Variants in CHADL observed in about 807,000 individuals in gnomAD.
CHADL encodes chondroadherin-like protein.
Under a neutral mutation model 52.1 loss-of-function variants are expected in CHADL, and 48 were observed. That is an observed-to-expected ratio of 0.92 (90% CI 0.73 to 1.17). The LOEUF is 1.17. Among genes scored for constraint, CHADL ranks in the 50% most tolerant of loss-of-function variants. The pLI, the probability that CHADL is intolerant of heterozygous loss-of-function variation, is 0.00. For synonymous variants in CHADL, 498 were observed against 511.2 expected (o/e 0.97, Z 0.35); for missense variants, 977 against 1,035.1 (o/e 0.94, Z 0.77).
At chr22:41,232,931 C>T (rs2032656103) in intron 5 of CHADL, among the ~76,000 whole-genome samples, 1 of 152,114 alleles carries the variant, frequency 6.6e-6, no homozygotes, top group Non-Finnish European at 1.5e-5. Flanking sequence ...GTCTGGCTTC[C>T]AAGGCAGAAC....
At chr22:41,230,127 C>A in intron 5 of CHADL, 2 of 1,554,426 alleles carry the variant, frequency 1.3e-6, no homozygotes, top group Non-Finnish European at 1.8e-6. Context: ...CCCGCCTCCC[C>A]TCCCTCTTCA....
rs1315026991 is a variant in CHADL, at chr22:41,238,638, G to T, written c.434C>A (p.Ala145Glu). ...CGTCCCCGGCCGCAGCTCCTCCAGT[G>T]CGTTCCCCTCCAGCTCCAGCCGCCG... ...SLRRLELEGN[A>E]LEELRPGTFG... The change falls in exon 3 of 6, where the codon GCA (alanine) becomes GAA (glutamate). Residue 145 changes from alanine (A) to glutamate (E), a missense_variant. Coordinates refer to ENST00000216241, the MANE Select transcript of CHADL (RefSeq NM_138481.2). The surrounding 1 kb of genome is among the most constrained non-coding windows in gnomAD (Gnocchi z 4.9). The T allele has an allele frequency of 1.3e-6, 2 of 1,543,946 alleles. No individual in the cohort carries two copies. Among genetic ancestry groups the T allele is most frequent in the African/African-American group, 1.4e-5 (1 of 72,994 alleles).
At chr22:41,240,513 G>T (rs1276719053) in intron 1 of CHADL, among the ~76,000 whole-genome samples, 1 of 152,234 alleles carries the variant, frequency 6.6e-6, no homozygotes, top group African/African-American at 2.4e-5. Context: ...TCTCCTTTGG[G>T]TCCCAGGCTC....
In CHADL at chr22:41,237,958, C is replaced by A. The variant is rs529203646; in HGVS notation, c.1114G>T (p.Ala372Ser). The part of the protein sequence containing the change: ...AQEEEELEER[A>S]VAGPRAPPRG... ...GGAGGGGCGCGGGGCCCGGCCACAG[C>A]CCGCTCTTCCAGCTCTTCCTCTTCC... The change falls in exon 3 of 6, where the codon GCT becomes TCT. Residue 372 changes from alanine (A) to serine (S), a missense_variant. Coordinates refer to ENST00000216241, the MANE Select transcript of CHADL (RefSeq NM_138481.2). 668 of 1,262,776 alleles carry A rather than the reference C, an allele frequency of 5.3e-4. 1 individual carries two copies. In the African/African-American group the frequency reaches 9.9e-3, roughly 19 times the overall value. 78.2% of individuals were successfully genotyped at this position (1,262,776 alleles called of 1,614,324 possible).
At chr22:41,229,789 T>C in intron 5 of CHADL, 59 bp from the exon 6 acceptor site, 2 of 1,432,752 alleles carry the variant, frequency 1.4e-6, no homozygotes, top group South Asian at 1.2e-5. Flanking sequence ...CAAGCAGTCC[T>C]GTACCACTGG....
In CHADL at chr22:41,238,405, C is replaced by T; in HGVS notation, c.667G>A (p.Gly223Arg). Residue 223 changes from glycine to arginine, a missense_variant, in exon 3 of 6, where the codon GGG (glycine) becomes AGG (arginine). By Grantham distance (125) the Gly-to-Arg change is moderately radical. Transcript: ENST00000216241. The surrounding 1 kb of genome is among the most constrained non-coding windows in gnomAD (Gnocchi z 4.9). The part of the protein sequence containing the change: ...LHHNELQALP[G>R]PVLSQARGLA... ...CCGCGGGCCTGGGACAAGACAGGCC[C>T]GGGCAGAGCCTGGAGCTCGTTGTGG... 6.6e-7 allele frequency: 1 copy of T among 1,514,700 alleles called. No individual in the cohort carries two copies. The highest frequency in any genetic ancestry group is 1.2e-5 in the South Asian group (1 of 80,644). The allele number at this position is 1,514,700 out of a possible 1,614,324, so 93.8% of individuals were successfully genotyped here. A position where few individuals can be genotyped will look rare whatever the true frequency, so the allele number is the denominator to read the frequency against.
At position 41,236,536 on chromosome 22, in the gene CHADL, C is replaced by A. The variant is rs376640941; in HGVS notation, c.2011G>T (p.Asp671Tyr). ...LPSLSQLELI[D>Y]LSSNPFHCDC... The stretch of plus-strand genomic sequence containing the variant: ...CAGTGGAAGGGATTGCTGCTGAGGT[C>A]GATGAGCTCCAGCTGGCTGAGACTG... The change falls in exon 4 of 6, where the codon GAC (aspartate) becomes TAC (tyrosine). Residue 671 changes from aspartate to tyrosine, a missense_variant. Transcript: ENST00000216241. The A allele has an allele frequency of 1.3e-6, 2 of 1,551,444 alleles. No individual in the cohort carries two copies. Among genetic ancestry groups the A allele is most frequent in the East Asian group, 2.4e-5 (1 of 40,908 alleles).
intron 2 of CHADL, among the ~76,000 whole-genome samples, 189 bp downstream of exon 2, chr22:41,239,254 C>G (rs1739640907): frequency 6.6e-6 from 1 of 152,242 alleles, no homozygotes; most frequent in Non-Finnish European, 1.5e-5. Flanking sequence ...TTAAATAGAT[C>G]ATCTCCCTGT....
rs2145634224 is a variant in CHADL at position 41,235,354 on chromosome 22, A to G, written c.2064-11T>C. 1.3e-6 allele frequency: 2 copies of G among 1,549,258 alleles called. No homozygotes were observed. On this transcript the variant is annotated splice_polypyrimidine_tract_variant and intron_variant, in intron 4 of 5. Transcript: ENST00000216241. ...AGCCCAGTAAGCCACCTGAAGAGAA[A>G]AGAGAGCTGGGGAGCTAGCTGTGCT... is the stretch of plus-strand genomic sequence containing the variant.
Position 41,238,907 on chromosome 22 carries a change from T to G in CHADL, c.187-22A>C. 1 of 1,515,710 alleles carries G rather than the reference T, an allele frequency of 6.6e-7. No individual in the cohort carries two copies. The highest frequency in any genetic ancestry group is 8.9e-7 in the Non-Finnish European group (1 of 1,124,658). 93.9% of individuals were successfully genotyped at this position (1,515,710 alleles called of 1,614,324 possible). ...TCAGCTGGGGACAGCGAGGAGAAAG[T>G]GGGGCTGAGCCAGGCAGGGACCCCG... is the stretch of plus-strand genomic sequence containing the variant. On this transcript the variant is annotated intron_variant, in intron 2 of 5. Coordinates refer to ENST00000216241, the MANE Select transcript of CHADL (RefSeq NM_138481.2). This position sits in a 1 kb window ranked among gnomAD's most constrained non-coding sequence, Gnocchi z 4.9.
rs2032770063 is a variant in CHADL, at chr22:41,237,681, A to G, written c.1391T>C (p.Leu464Pro). Residue 464 changes from leucine (L) to proline (P), a missense_variant, in exon 3 of 6, where the codon CTG becomes CCG. By Grantham distance (98) the Leu-to-Pro change is moderately conservative. Transcript: ENST00000216241. ...LHLQHCGIAELEAGALAGLGR... is the reference protein window; with the variant it reads ...LHLQHCGIAEPEAGALAGLGR... Reference sequence around the variant, plus strand: ...CAGCCCGGCCAGGGCGCCCGCTTCCAGCTCCGCGATGCCGCAGTGCTGCAG... The same window carrying G: ...CAGCCCGGCCAGGGCGCCCGCTTCCGGCTCCGCGATGCCGCAGTGCTGCAG... 1.2e-5 allele frequency: 18 copies of G among 1,542,714 alleles called. No homozygotes were observed. The highest frequency in any genetic ancestry group is 1.6e-5 in the Non-Finnish European group (18 of 1,142,090).
In CHADL at chr22:41,238,120, CCTGG is replaced by C; in HGVS notation, c.948_951del (p.Cys316TrpfsTer116). ...GCCAGCCACTCGAGTAGGGGCCGCG[CCTGG>C]CAGCCGCACCACAGCGGATTCCCCT... On this transcript the variant is annotated frameshift_variant, in exon 3 of 6. Transcript: ENST00000216241. LOFTEE classifies it high-confidence loss of function. The surrounding 1 kb of genome is among the most constrained non-coding windows in gnomAD (Gnocchi z 4.9). 1 of 1,346,350 alleles carries C rather than the reference CCTGG, an allele frequency of 7.4e-7. No homozygotes were observed. The highest frequency in any genetic ancestry group is 9.5e-7 in the Non-Finnish European group (1 of 1,057,060). The allele number at this position is 1,346,350 out of a possible 1,614,324, so 83.4% of individuals were successfully genotyped here. A position where few individuals can be genotyped will look rare whatever the true frequency, so the allele number is the denominator to read the frequency against.
Position 41,235,288 on chromosome 22 carries a change from C to T in CHADL, c.2119G>A (p.Ala707Thr). 2 of 1,551,298 alleles carry T rather than the reference C, an allele frequency of 1.3e-6. No individual in the cohort carries two copies. Among genetic ancestry groups the T allele is most frequent in the Non-Finnish European group, 8.7e-7 (1 of 1,147,004 alleles). The change falls in exon 5 of 6, where the codon GCC becomes ACC. Residue 707 changes from alanine (A) to threonine (T), a missense_variant. Physicochemically the swap from Ala to Thr is moderately conservative, Grantham distance 58 (BLOSUM62 0). Coordinates refer to ENST00000216241, the MANE Select transcript of CHADL (RefSeq NM_138481.2). ...GCAGCCTTCACCCTCTGGCCACGGG[C>T]ATTGGGAGGGGTGGCGCAGGTGGCC... ...VGATCATPPNARGQRVKAAAA... is the reference protein window; with the variant it reads ...VGATCATPPNTRGQRVKAAAA...
intron 3 of CHADL, 50 bp downstream of exon 3, chr22:41,237,126 T>G: frequency 6.8e-7 from 1 of 1,480,398 alleles, no homozygotes; most frequent in Non-Finnish European, 9.0e-7. Context: ...ACGCTGCCTG[T>G]GGCCTTGTGC....
Position 41,238,068 on chromosome 22 carries a change from G to T in CHADL, c.1004C>A (p.Ala335Glu). The part of the protein sequence containing the change: ...LARARVRSDG[A>E]CQGPRRLRGE... Reference sequence around the variant, plus strand: ...CCGCAGGCGCCGCGGCCCCTGGCACGCGCCGTCCGAGCGCACGCGCGCCCG... The same window carrying T: ...CCGCAGGCGCCGCGGCCCCTGGCACTCGCCGTCCGAGCGCACGCGCGCCCG... The change falls in exon 3 of 6, where the codon GCG becomes GAG. Residue 335 changes from alanine to glutamate, a missense_variant. Physicochemically the swap from Ala to Glu is moderately radical, Grantham distance 107. Coordinates refer to ENST00000216241, the MANE Select transcript of CHADL (RefSeq NM_138481.2). The surrounding 1 kb of genome is among the most constrained non-coding windows in gnomAD (Gnocchi z 4.9). 7.8e-7 allele frequency: 1 copy of T among 1,279,562 alleles called. No individual in the cohort carries two copies. The highest frequency in any genetic ancestry group is 9.8e-7 in the Non-Finnish European group (1 of 1,021,546). The allele number at this position is 1,279,562 out of a possible 1,614,324, so 79.3% of individuals were successfully genotyped here.
chr22:41,233,758 C>A (rs2032682520), intron 5 of CHADL, among the ~76,000 whole-genome samples: 2 of 152,120 alleles, frequency 1.3e-5, no homozygotes, highest in South Asian at 4.1e-4. Context: ...TTGTGGCAGT[C>A]CTAGGGGATG....
chr22:41,239,671 T>C, intron 1 of CHADL, 51 bp from the exon 2 acceptor site: 1 of 1,423,986 alleles, frequency 7.0e-7, no homozygotes. Context: ...GGCCACATGC[T>C]GTCCCTCACT....
In CHADL at chr22:41,235,275, C is replaced by G. The variant is rs1175178854; in HGVS notation, c.2132G>C (p.Arg711Thr). 6.4e-7 allele frequency: 1 copy of G among 1,551,332 alleles called. No homozygotes were observed. Among genetic ancestry groups the G allele is most frequent in the Non-Finnish European group, 8.7e-7 (1 of 1,147,004 alleles). The change falls in exon 5 of 6, where the codon AGG becomes ACG. Residue 711 changes from arginine (R) to threonine (T), a missense_variant. By Grantham distance (71) the Arg-to-Thr change is moderately conservative. Transcript: ENST00000216241. Reference protein sequence around the residue: ...CATPPNARGQRVKAAAAVFED... With the variant: ...CATPPNARGQTVKAAAAVFED... ...AAAGACAGCAGCTGCAGCCTTCACC[C>G]TCTGGCCACGGGCATTGGGAGGGGT...
chr22:41,238,531 G>A lies in CHADL; in HGVS notation c.541C>T (p.Leu181=), dbSNP rs752113038. The A allele has an allele frequency of 1.0e-5, 16 of 1,544,756 alleles. No individual in the cohort carries two copies. The African/African-American group carries it at 1.5e-4, about 15-fold the overall frequency. ...AGCCGCAGCCAGCGGACGCGCAGTA[G>A]CCCCTGGAAGGCCATGGCGGGCAGG... The part of the protein sequence containing the change: ...VYLPAMAFQG[L]LRVRWLRLSH... Residue 181 remains leucine (L), a synonymous_variant, in exon 3 of 6, where the codon CTA becomes TTA. Transcript: ENST00000216241. This position sits in a 1 kb window ranked among gnomAD's most constrained non-coding sequence, Gnocchi z 4.9.
Sources: gnomAD v4.1 joint callset for allele counts (sites outside exome capture counted in the v4.1 genomes callset) on GRCh38, gnomAD v4.1.1 for gene constraint, Gnocchi (gnomAD v3.1) non-coding constraint, MANE v1.5 for transcripts, NCBI Gene and HGNC (gene_info 2026-07-23, HGNC 2026-07-21) for gene names.